The following CTDSPL2 variants were observed in gnomAD, a reference collection of about 807,000 sequenced individuals.
CTDSPL2 encodes CTD small phosphatase-like protein 2.
In CTDSPL2, 5 loss-of-function variants were observed where a neutral mutation model predicts 60.0. That is an observed-to-expected ratio of 0.08 (90% CI 0.04 to 0.18). The LOEUF (loss-of-function observed/expected upper bound fraction) is 0.18, where lower values mean the gene tolerates loss of function less well. Among genes scored for constraint, CTDSPL2 ranks in the 10% least tolerant of loss-of-function variants. The pLI is 1.00. For missense variants in CTDSPL2, 370 were observed against 548.8 expected, an observed-to-expected ratio of 0.67 and a Z score of 3.26; for synonymous variants, 186 against 189.3, an observed-to-expected ratio of 0.98 and a Z score of 0.14.
chr15:44,429,892 A>G (rs1319547162), intron 1 of CTDSPL2, among the ~76,000 whole-genome samples: 1 of 152,220 alleles, frequency 6.6e-6, no homozygotes, highest in Non-Finnish European at 1.5e-5. Context: ...AAAGCTATAA[A>G]TGATGTAGTC....
At chr15:44,489,845 C>G (rs1270681927) in intron 4 of CTDSPL2, among the ~76,000 whole-genome samples, 1 of 152,150 alleles carries the variant, frequency 6.6e-6, no homozygotes, top group Non-Finnish European at 1.5e-5. Flanking sequence ...TGACATCAGT[C>G]TCAAAAGAGC....
In CTDSPL2 at chr15:44,524,373, C is replaced by T. The variant is rs1375500129; in HGVS notation, c.*199C>T. On this transcript the variant is annotated 3_prime_UTR_variant, in exon 13 of 13. Transcript: ENST00000260327. Reference sequence around the variant, plus strand: ...AGATCGAATACATATAGTAGGTAGGCTAAAACAGAAGAGTCTTTAGAACTA... The same window carrying T: ...AGATCGAATACATATAGTAGGTAGGTTAAAACAGAAGAGTCTTTAGAACTA... 1 of 549,702 alleles carries T rather than the reference C, an allele frequency of 1.8e-6. No homozygotes were observed. The highest frequency in any genetic ancestry group is 3.2e-6 in the Non-Finnish European group (1 of 309,258). The allele number at this position is 549,702 out of a possible 1,614,324, so 34.1% of individuals were successfully genotyped here.
intron 2 of CTDSPL2, among the ~76,000 whole-genome samples, chr15:44,469,242 G>A (rs868524538): frequency 6.6e-6 from 1 of 152,256 alleles, no homozygotes. Flanking sequence ...GGGAACTACT[G>A]TATTTGAATT....
intron 8 of CTDSPL2, among the ~76,000 whole-genome samples, chr15:44,508,008 G>A (rs1595771021): frequency 6.6e-6 from 1 of 152,084 alleles, no homozygotes; most frequent in Admixed American, 6.5e-5. Flanking sequence ...AATTGGTACA[G>A]CCACTTGTAC....
At chr15:44,504,206 C>T (rs772566139) in intron 8 of CTDSPL2, among the ~76,000 whole-genome samples, 15 of 152,064 alleles carry the variant, frequency 9.9e-5, no homozygotes, top group South Asian at 6.2e-4. Flanking sequence ...AAAAATTAGC[C>T]GGGCGTGGTG....
At chr15:44,431,722 T>G (rs867701548) in intron 1 of CTDSPL2, among the ~76,000 whole-genome samples, 4,047 of 148,552 alleles carry the variant, frequency 0.027, 193 homozygotes, top group African/African-American at 0.096. Flanking sequence ...GTTTGTTTTT[T>G]TTTTTTTTTT....
At chr15:44,433,717 C>A (rs2079911730) in intron 1 of CTDSPL2, among the ~76,000 whole-genome samples, 1 of 151,272 alleles carries the variant, frequency 6.6e-6, no homozygotes, top group African/African-American at 2.4e-5. Flanking sequence ...GTCACCCAGG[C>A]TGGAGTGCAG....
At chr15:44,474,484 T>A (rs891037953) in intron 2 of CTDSPL2, among the ~76,000 whole-genome samples, 2 of 151,792 alleles carry the variant, frequency 1.3e-5, no homozygotes, top group African/African-American at 4.8e-5. Flanking sequence ...AGTGAGACTC[T>A]GTCGTCTTTG....
At chr15:44,507,390 G>T (rs931577605) in intron 8 of CTDSPL2, among the ~76,000 whole-genome samples, 3 of 152,288 alleles carry the variant, frequency 2.0e-5, no homozygotes, top group African/African-American at 7.2e-5. Context: ...AGCCGCAGGA[G>T]CTTTTAATTT....
intron 1 of CTDSPL2, among the ~76,000 whole-genome samples, chr15:44,454,131 A>C (rs910507965): frequency 3.3e-5 from 5 of 152,138 alleles, no homozygotes; most frequent in Non-Finnish European, 5.9e-5. Context: ...ACTGGTGTTG[A>C]GATGGTGGTA....
intron 8 of CTDSPL2, chr15:44,501,969 G>T: frequency 2.2e-6 from 1 of 455,044 alleles, no homozygotes; most frequent in South Asian, 1.6e-5. Context: ...CAGTGGTGTT[G>T]TCTCCATCTA....
chr15:44,441,634 C>T lies in CTDSPL2; in HGVS notation c.-25+13862C>T, dbSNP rs2080088623. Among the ~76,000 whole-genome samples the T allele has an allele frequency of 2.0e-5, 3 of 152,104 alleles. 1 individual carries two copies. The highest frequency in any genetic ancestry group is 4.4e-5 in the Non-Finnish European group (3 of 68,026). ...TCTACCTCAGGTGAGCCCGTGCTTG[C>T]TTTCTGTCTCTCCTAGGAAGGGGTT... is the stretch of plus-strand genomic sequence containing the variant. On this transcript the variant is annotated intron_variant, in intron 1 of 12. Transcript: ENST00000260327.
At chr15:44,522,313 CGT>C (rs1382555355) in intron 12 of CTDSPL2, among the ~76,000 whole-genome samples, 1 of 152,112 alleles carries the variant, frequency 6.6e-6, no homozygotes, top group Admixed American at 6.5e-5. Context: ...GGATTACAGA[CGT>C]GAGCCATCAT....
rs1200031803 is a variant in CTDSPL2, at chr15:44,490,766, A to C, written c.476-18A>C. 4 of 1,595,572 alleles carry C rather than the reference A, an allele frequency of 2.5e-6. No individual in the cohort carries two copies. In the African/African-American group the frequency reaches 5.4e-5, roughly 21 times the overall value. On this transcript the variant is annotated intron_variant, in intron 4 of 12. Coordinates refer to ENST00000260327, the MANE Select transcript of CTDSPL2 (RefSeq NM_016396.3). ...GTGCATTTTTAAATGATGATAGTAC[A>C]CTGAATCATGATTTCAGGAACGTCA...
chr15:44,480,412 C>T (rs1419250904), intron 2 of CTDSPL2, among the ~76,000 whole-genome samples: 1 of 152,114 alleles, frequency 6.6e-6, no homozygotes, highest in Admixed American at 6.6e-5. Flanking sequence ...TTCTCATCTG[C>T]TTGCATTTTT....
chr15:44,506,120 C>T (rs1214474238), intron 8 of CTDSPL2, among the ~76,000 whole-genome samples: 1 of 149,100 alleles, frequency 6.7e-6, no homozygotes, highest in East Asian at 2.0e-4. Flanking sequence ...ATCTCTGCCT[C>T]CCAGGTTCAA....
chr15:44,457,128 T>C (rs1893553412), intron 1 of CTDSPL2, among the ~76,000 whole-genome samples: 1 of 152,190 alleles, frequency 6.6e-6, no homozygotes, highest in Non-Finnish European at 1.5e-5. Flanking sequence ...CTACCTGCCT[T>C]GGCCTCCCAA....
intron 2 of CTDSPL2, among the ~76,000 whole-genome samples, chr15:44,460,372 T>C (rs1329867436): frequency 6.6e-6 from 1 of 152,162 alleles, no homozygotes; most frequent in Non-Finnish European, 1.5e-5. Context: ...CCTCCCAAAG[T>C]GCTGGGATTA....
At chr15:44,523,813 C>A (rs113510295) in intron 12 of CTDSPL2, among the ~76,000 whole-genome samples, 2,702 of 152,162 alleles carry the variant, frequency 0.018, 87 homozygotes, top group African/African-American at 0.062. Flanking sequence ...GCACAAGAAT[C>A]GCTTGAACCC....
Sources: allele counts gnomAD v4.1 joint callset (sites outside exome capture counted in the v4.1 genomes callset), GRCh38; gene constraint gnomAD v4.1.1; transcripts MANE v1.5; gene names NCBI Gene and HGNC (gene_info 2026-07-23, HGNC 2026-07-21).